The following GALNT13 variants were observed in gnomAD, a reference collection of about 807,000 sequenced individuals.
GALNT13 encodes the protein polypeptide N-acetylgalactosaminyltransferase 13.
A neutral mutation model predicts 64.2 loss-of-function variants in GALNT13; 28 were observed. That is an observed-to-expected ratio of 0.44 (90% CI 0.32 to 0.60). The LOEUF (loss-of-function observed/expected upper bound fraction) is 0.60, where lower values mean the gene tolerates loss of function less well. Ranked by LOEUF, GALNT13 falls within the 20% of genes least tolerant of loss-of-function variation. GALNT13 has a pLI of 0.05. For missense variants in GALNT13, 577 were observed against 669.8 expected, an observed-to-expected ratio of 0.86 and a Z score of 1.53; for synonymous variants, 214 against 224.6, an observed-to-expected ratio of 0.95 and a Z score of 0.42.
At chr2:153,410,526 C>G in the GALNT13 span, among the ~76,000 whole-genome samples, 1 of 152,232 alleles carries the variant, frequency 6.6e-6, no homozygotes, top group African/African-American at 2.4e-5. Context: ...TTAATCATTT[C>G]AAACAATCAA....
chr2:153,687,234 T>C, the GALNT13 span, among the ~76,000 whole-genome samples: 1 of 152,052 alleles, frequency 6.6e-6, no homozygotes. Context: ...CTCTTCTTTG[T>C]ACACCTGATA....
chr2:153,836,089 C>A, the GALNT13 span, among the ~76,000 whole-genome samples: 2 of 151,898 alleles, frequency 1.3e-5, no homozygotes, highest in African/African-American at 4.8e-5. Context: ...CCCAAATTGG[C>A]AAATTACCTA....
the GALNT13 span, among the ~76,000 whole-genome samples, chr2:153,398,034 C>G: frequency 6.6e-6 from 1 of 151,746 alleles, no homozygotes; most frequent in Non-Finnish European, 1.5e-5. Context: ...AATTCGTCAT[C>G]TAGCATTAGG....
intron 8 of GALNT13, among the ~76,000 whole-genome samples, chr2:154,262,520 A>G (rs1331484068): frequency 6.6e-6 from 1 of 152,210 alleles, no homozygotes; most frequent in Non-Finnish European, 1.5e-5. Flanking sequence ...TGCTTCTGAA[A>G]GCTGTTTCAA....
At chr2:153,153,149 T>C in the GALNT13 span, among the ~76,000 whole-genome samples, 1 of 152,204 alleles carries the variant, frequency 6.6e-6, no homozygotes, top group Non-Finnish European at 1.5e-5. Flanking sequence ...ATTTCTCTAA[T>C]GATCAGTGAT....
chr2:154,007,756 GA>G (rs1313309851), intron 3 of GALNT13, among the ~76,000 whole-genome samples: 4 of 151,868 alleles, frequency 2.6e-5, no homozygotes, highest in Admixed American at 1.3e-4. Context: ...TTTTTGTATA[GA>G]AGGAGCATTG....
the GALNT13 span, among the ~76,000 whole-genome samples, chr2:153,487,119 GA>G: frequency 6.6e-6 from 1 of 152,144 alleles, no homozygotes; most frequent in Non-Finnish European, 1.5e-5. Context: ...AGCAAAGGAG[GA>G]AAACGAAATC....
At chr2:153,208,620 G>T in the GALNT13 span, among the ~76,000 whole-genome samples, 1 of 152,122 alleles carries the variant, frequency 6.6e-6, no homozygotes, top group South Asian at 2.1e-4. Flanking sequence ...ATTTGAATGT[G>T]AGTCTTTGTG....
the GALNT13 span, among the ~76,000 whole-genome samples, chr2:153,563,866 A>G: frequency 2.0e-5 from 3 of 152,220 alleles, 1 homozygote; most frequent in Admixed American, 6.5e-5. Context: ...TATTTTCCCT[A>G]GTAGGTCCTC....
chr2:154,171,968 T>TCA (rs1451941626), intron 4 of GALNT13, among the ~76,000 whole-genome samples: 1 of 110,930 alleles, frequency 9.0e-6, no homozygotes, highest in African/African-American at 4.2e-5. Flanking sequence ...TCTTTCTTTC[T>TCA]CATACACACA....
At chr2:153,846,108 T>C in the GALNT13 span, among the ~76,000 whole-genome samples, 1 of 152,040 alleles carries the variant, frequency 6.6e-6, no homozygotes, top group African/African-American at 2.4e-5. Context: ...CCAAAGAAAG[T>C]AGTTAGGCAG....
chr2:153,451,430 A>C, the GALNT13 span, among the ~76,000 whole-genome samples: 23 of 152,302 alleles, frequency 1.5e-4, 1 homozygote, highest in South Asian at 6.2e-4. Flanking sequence ...GCAAAGTATG[A>C]GTGCCTTCAT....
chr2:153,620,033 C>T, the GALNT13 span, among the ~76,000 whole-genome samples: 6 of 152,022 alleles, frequency 3.9e-5, no homozygotes, highest in African/African-American at 1.4e-4. Flanking sequence ...TTAGAATAAA[C>T]CTCCTAGTCC....
the GALNT13 span, among the ~76,000 whole-genome samples, chr2:153,438,195 G>A: frequency 3.9e-5 from 6 of 152,282 alleles, 1 homozygote; most frequent in African/African-American, 1.4e-4. Context: ...TGAGAGATCA[G>A]CTGTTAGTCT....
the GALNT13 span, among the ~76,000 whole-genome samples, chr2:153,133,584 AC>A: frequency 3.9e-4 from 60 of 152,280 alleles, no homozygotes; most frequent in Middle Eastern, 0.01. Flanking sequence ...TTTTAGCTGA[AC>A]TGAGGAGAAA....
chr2:153,809,453 AT>A, the GALNT13 span, among the ~76,000 whole-genome samples: 3 of 152,172 alleles, frequency 2.0e-5, no homozygotes, highest in Non-Finnish European at 4.4e-5. Flanking sequence ...TCATGTCCTA[AT>A]ACATCAAAAC....
chr2:154,445,417 G>T (rs1046698365), intron 12 of GALNT13, among the ~76,000 whole-genome samples: 2 of 151,428 alleles, frequency 1.3e-5, no homozygotes, highest in Non-Finnish European at 2.9e-5. Flanking sequence ...TGTTAAAGTG[G>T]CATTTTCCAA....
At chr2:153,448,117 T>C in the GALNT13 span, among the ~76,000 whole-genome samples, 9 of 152,344 alleles carry the variant, frequency 5.9e-5, no homozygotes, top group African/African-American at 1.7e-4. Flanking sequence ...TGTGCATCTA[T>C]GTTTGGATTG....
chr2:153,547,775 T>C, the GALNT13 span, among the ~76,000 whole-genome samples: 1 of 152,272 alleles, frequency 6.6e-6, no homozygotes, highest in African/African-American at 2.4e-5. Flanking sequence ...CAAGATAAGA[T>C]AGTGTTAAGG....
Sources: gnomAD v4.1 joint callset for allele counts (sites outside exome capture counted in the v4.1 genomes callset) on GRCh38, gnomAD v4.1.1 for gene constraint, MANE v1.5 for transcripts, NCBI Gene and HGNC (gene_info 2026-07-23, HGNC 2026-07-21) for gene names.